The following TRPC4 variants were observed in gnomAD, a reference collection of about 807,000 sequenced individuals.
TRPC4 encodes the protein transient receptor potential cation channel subfamily C member 4.
Under a neutral mutation model 99.4 loss-of-function variants are expected in TRPC4, and 49 were observed. The observed-to-expected ratio is 0.49, with a 90% CI of 0.39 to 0.63. The LOEUF is 0.63. Ranked by LOEUF, TRPC4 falls within the 20% of genes least tolerant of loss-of-function variation. The probability of loss-of-function intolerance (pLI) is 0.00; values close to 1 mark genes in which losing one functional copy is unlikely to be tolerated. For missense variants in TRPC4, 898 were observed against 1,152.9 expected (o/e 0.78, Z 3.20); for synonymous variants, 454 against 425.9 (o/e 1.07, Z -0.81).
intron 1 of TRPC4, among the ~76,000 whole-genome samples, chr13:37,837,618 C>T (rs1958601897): frequency 6.6e-6 from 1 of 152,228 alleles, no homozygotes; most frequent in Non-Finnish European, 1.5e-5. Flanking sequence ...TGTACTCCCA[C>T]TGTATTTAGG....
At chr13:37,672,078 T>C (rs1205619946) in intron 5 of TRPC4, among the ~76,000 whole-genome samples, 1 of 152,212 alleles carries the variant, frequency 6.6e-6, no homozygotes, top group Non-Finnish European at 1.5e-5. Flanking sequence ...TAGATTTTAA[T>C]GGTAAAATAG....
At chr13:37,869,314 C>A (rs947198702) in intron 1 of TRPC4, among the ~76,000 whole-genome samples, 1 of 152,144 alleles carries the variant, frequency 6.6e-6, no homozygotes, top group Non-Finnish European at 1.5e-5. Context: ...CACTCCTCGC[C>A]CTCTCCCCTG....
chr13:37,733,282 C>T (rs1432006655), intron 3 of TRPC4, among the ~76,000 whole-genome samples: 6 of 151,942 alleles, frequency 3.9e-5, no homozygotes, highest in Non-Finnish European at 7.4e-5. Context: ...CAAAACACAG[C>T]GAGCCTAAGA....
At position 37,811,150 on chromosome 13, in the gene TRPC4, A is replaced by G. The variant is rs182235264; in HGVS notation, c.-27-27790T>C. Reference sequence around the variant, plus strand: ...ATATTTAACTATTTGGTTTAATAAGATATCTTAGAAGCTAATAATAAAATC... The same window carrying G: ...ATATTTAACTATTTGGTTTAATAAGGTATCTTAGAAGCTAATAATAAAATC... On this transcript the variant is annotated intron_variant, in intron 1 of 10. Coordinates refer to ENST00000379705, the MANE Select transcript of TRPC4 (RefSeq NM_016179.4). Among the ~76,000 whole-genome samples, 8 of 152,262 alleles carry G rather than the reference A, an allele frequency of 5.3e-5. No individual in the cohort carries two copies. In the East Asian group the frequency reaches 1.5e-3, roughly 29 times the overall value.
At chr13:37,732,579 CA>C (rs1235959550) in intron 3 of TRPC4, among the ~76,000 whole-genome samples, 3 of 152,094 alleles carry the variant, frequency 2.0e-5, no homozygotes. Context: ...AAAGGCTTCA[CA>C]AAAAACTCTT....
At chr13:37,665,572 C>T (rs1205299841) in intron 5 of TRPC4, among the ~76,000 whole-genome samples, 1 of 152,006 alleles carries the variant, frequency 6.6e-6, no homozygotes, top group Non-Finnish European at 1.5e-5. Context: ...AATAAAAATG[C>T]TCTAAGAGAT....
rs1320538549 is a variant in TRPC4, at chr13:37,632,748, C to A, written c.*4155G>T. On this transcript the variant is annotated 3_prime_UTR_variant, in exon 11 of 11. Coordinates refer to ENST00000379705, the MANE Select transcript of TRPC4 (RefSeq NM_016179.4). ...ACAGGTTATCATAAAATCTACACTT[C>A]CAGTGAAAATGAACAGTGTATTTTC... is the stretch of plus-strand genomic sequence containing the variant. 6.6e-6 allele frequency among the ~76,000 whole-genome samples: 1 copy of A among 152,134 alleles called. No individual in the cohort carries two copies. Among genetic ancestry groups the A allele is most frequent in the African/African-American group, 2.4e-5 (1 of 41,424 alleles).
chr13:37,685,586 T>G (rs947003299), intron 4 of TRPC4, among the ~76,000 whole-genome samples: 7 of 152,142 alleles, frequency 4.6e-5, no homozygotes, highest in Admixed American at 3.9e-4. Context: ...TCTGTGCTAA[T>G]GAAGACTAAT....
chr13:37,745,538 G>GTATA (rs67537956), intron 3 of TRPC4, among the ~76,000 whole-genome samples: 35 of 128,168 alleles, frequency 2.7e-4, no homozygotes, highest in Non-Finnish European at 3.7e-4. Flanking sequence ...GTATATATAC[G>GTATA]TATATATATA....
At chr13:37,746,903 C>T (rs1955802466) in intron 2 of TRPC4, among the ~76,000 whole-genome samples, 1 of 152,026 alleles carries the variant, frequency 6.6e-6, no homozygotes, top group Non-Finnish European at 1.5e-5. Context: ...TTTAATTCCT[C>T]AATTAGGTTT....
intron 2 of TRPC4, among the ~76,000 whole-genome samples, chr13:37,754,997 T>C (rs1956060115): frequency 6.6e-6 from 1 of 152,082 alleles, no homozygotes; most frequent in African/African-American, 2.4e-5. Context: ...AATTGTGTTT[T>C]TTGCCGTTAA....
intron 1 of TRPC4, among the ~76,000 whole-genome samples, chr13:37,788,319 T>G (rs1957023458): frequency 6.6e-6 from 1 of 152,180 alleles, no homozygotes; most frequent in South Asian, 2.1e-4. Flanking sequence ...ATTGTAATTA[T>G]CTTTGGTAAT....
In TRPC4 at chr13:37,651,352, C is replaced by T; in HGVS notation, c.1992G>A (p.Lys664=). 6.2e-7 allele frequency: 1 copy of T among 1,614,112 alleles called. No homozygotes were observed. The highest frequency in any genetic ancestry group is 8.5e-7 in the Non-Finnish European group (1 of 1,180,004). ...TCCATTTGATCAGGTACCAGAGAGA[C>T]TTGGGGCTCGGGATGACATTGAAGG... ...PTPFNVIPSP[K]SLWYLIKWIW... The change falls in exon 8 of 11, where the codon AAG becomes AAA. Residue 664 remains lysine, a synonymous_variant. Transcript: ENST00000379705.
chr13:37,781,215 G>A (rs1374863091), intron 2 of TRPC4, among the ~76,000 whole-genome samples: 1 of 152,004 alleles, frequency 6.6e-6, no homozygotes, highest in African/African-American at 2.4e-5. Flanking sequence ...AACTAAGAAG[G>A]TTCTTTAGTA....
At chr13:37,735,663 A>C (rs1005612030) in intron 3 of TRPC4, among the ~76,000 whole-genome samples, 1 of 152,140 alleles carries the variant, frequency 6.6e-6, no homozygotes, top group Non-Finnish European at 1.5e-5. Context: ...TTTGAGGGCC[A>C]AGGGAAGGTA....
At chr13:37,637,867 TGA>T (rs2074386344) in intron 10 of TRPC4, among the ~76,000 whole-genome samples, 1 of 152,148 alleles carries the variant, frequency 6.6e-6, no homozygotes, top group Admixed American at 6.6e-5. Flanking sequence ...AAAAGAAACG[TGA>T]GTTATCTTTG....
intron 2 of TRPC4, among the ~76,000 whole-genome samples, chr13:37,781,371 A>G (rs961770085): frequency 1.3e-5 from 2 of 152,090 alleles, no homozygotes; most frequent in African/African-American, 4.8e-5. Flanking sequence ...TATCATTGCT[A>G]TTAGAAAATG....
chr13:37,802,470 C>G (rs1957429374), intron 1 of TRPC4, among the ~76,000 whole-genome samples: 2 of 151,948 alleles, frequency 1.3e-5, no homozygotes, highest in Non-Finnish European at 2.9e-5. Context: ...ATAGAATGTC[C>G]CTCAACTTAG....
At chr13:37,717,810 A>G (rs1455168211) in intron 3 of TRPC4, among the ~76,000 whole-genome samples, 5 of 152,096 alleles carry the variant, frequency 3.3e-5, no homozygotes, top group Non-Finnish European at 7.4e-5. Context: ...CTAGGGAACT[A>G]ACATATAGAC....
Sources: allele counts gnomAD v4.1 joint callset (sites outside exome capture counted in the v4.1 genomes callset), GRCh38; gene constraint gnomAD v4.1.1; transcripts MANE v1.5; gene names NCBI Gene and HGNC (gene_info 2026-07-23, HGNC 2026-07-21).